Variants in DMAC1 observed in about 807,000 individuals in gnomAD.
DMAC1 encodes distal membrane arm assembly component 1.
In DMAC1, 10 loss-of-function variants were observed where a neutral mutation model predicts 7.0. The observed-to-expected ratio is 1.43, with a 90% CI of 0.88 to 2.43. DMAC1 has a LOEUF of 2.43. Ranked by LOEUF, DMAC1 falls within the 30% of genes most tolerant of loss-of-function variation. DMAC1 has a pLI of 0.00. For synonymous variants in DMAC1, 92 were observed against 66.2 expected, an observed-to-expected ratio of 1.39 and a Z score of -1.90; for missense variants, 219 against 158.7, an observed-to-expected ratio of 1.38 and a Z score of -2.04.
rs1469339959 is a variant in DMAC1, at chr9:7,797,294, T to G, written c.*1279A>C. The G allele has an allele frequency of 6.6e-6, 1 of 152,196 alleles. No homozygotes were observed. The highest frequency in any genetic ancestry group is 2.4e-5 in the African/African-American group (1 of 41,442). The allele number at this position is 152,196 out of a possible 1,614,324, so 9.4% of individuals were successfully genotyped here. ...TATAAATAATATCTTGTTGCGTACT[T>G]TAGGTTTGAAATGTTTTCTTTTTCA... On this transcript the variant is annotated 3_prime_UTR_variant, in exon 2 of 2. Coordinates refer to ENST00000358227, the MANE Select transcript of DMAC1 (RefSeq NM_033428.3).
Position 7,799,683 on chromosome 9 carries a change from C to G in DMAC1, c.52G>C (p.Gly18Arg), listed in dbSNP as rs1436502968. 6.2e-7 allele frequency: 1 copy of G among 1,600,140 alleles called. No homozygotes were observed. Among genetic ancestry groups the G allele is most frequent in the Non-Finnish European group, 8.5e-7 (1 of 1,175,974 alleles). ...GGTTTGGCGGGCGCGGCGGCGGTAC[C>G]GGGAGGCGCAGTGATATAGGACTCA... ...PFESYITAPP[G>R]TAAAPAKPAP... The change falls in exon 1 of 2, where the codon GGT (glycine) becomes CGT (arginine). Residue 18 changes from glycine to arginine, a missense_variant. Transcript: ENST00000358227.
chr9:7,799,542 C>G lies in DMAC1; in HGVS notation c.193G>C (p.Val65Leu), dbSNP rs746888998. The G allele has an allele frequency of 4.3e-6, 7 of 1,613,722 alleles. No individual in the cohort carries two copies. In the East Asian group the frequency reaches 1.1e-4, roughly 26 times the overall value. Residue 65 changes from valine (V) to leucine (L), a missense_variant, in exon 1 of 2, where the codon GTG becomes CTG. Val to Leu is a conservative substitution (Grantham distance 32, BLOSUM62 1). Coordinates refer to ENST00000358227, the MANE Select transcript of DMAC1 (RefSeq NM_033428.3). ...GLGLMGAGGY[V>L]YWVARKPMKM... ...ATGGGCTTCCGTGCCACCCAGTACA[C>G]GTACCCGCCCGCCCCCATCAGCCCC... is the stretch of plus-strand genomic sequence containing the variant.
In DMAC1 at chr9:7,797,554, A is replaced by G. The variant is rs371484390; in HGVS notation, c.*1019T>C. 2 of 152,250 alleles carry G rather than the reference A, an allele frequency of 1.3e-5. No individual in the cohort carries two copies. The highest frequency in any genetic ancestry group is 4.8e-5 in the African/African-American group (2 of 41,468). The allele number at this position is 152,250 out of a possible 1,614,324, so 9.4% of individuals were successfully genotyped here. A position where few individuals can be genotyped will look rare whatever the true frequency, so the allele number is the denominator to read the frequency against. ...TGAAAAACACTTTATATACCTTTAC[A>G]AAGAAGCCATAGTATCTCAGGGTAG... On this transcript the variant is annotated 3_prime_UTR_variant, in exon 2 of 2. Coordinates refer to ENST00000358227, the MANE Select transcript of DMAC1 (RefSeq NM_033428.3).
chr9:7,799,321 C>T lies in DMAC1; in HGVS notation c.274+140G>A, dbSNP rs1413297154. On this transcript the variant is annotated intron_variant, in intron 1 of 1. Coordinates refer to ENST00000358227, the MANE Select transcript of DMAC1 (RefSeq NM_033428.3). Reference sequence around the variant, plus strand: ...AAAGGCGTTCCAACAACTTCCTCTCCCACCTTGTTTGAGGTGCCCCCACCA... The same window carrying T: ...AAAGGCGTTCCAACAACTTCCTCTCTCACCTTGTTTGAGGTGCCCCCACCA... The T allele has an allele frequency of 2.3e-5, 27 of 1,157,390 alleles. No homozygotes were observed. The Admixed American group carries it at 4.2e-4, about 18-fold the overall frequency. 71.7% of individuals were successfully genotyped at this position (1,157,390 alleles called of 1,614,324 possible).
Position 7,797,326 on chromosome 9 carries a change from T to C in DMAC1, c.*1247A>G, listed in dbSNP as rs1415366541. On this transcript the variant is annotated 3_prime_UTR_variant, in exon 2 of 2. Transcript: ENST00000358227. ...TGAAATGTTTTCTTTTTCAGTTGCA[T>C]AGATATATGTAGCACCATCCCCGCT... is the stretch of plus-strand genomic sequence containing the variant. The C allele has an allele frequency of 6.6e-6, 1 of 152,230 alleles. No individual in the cohort carries two copies. Among genetic ancestry groups the C allele is most frequent in the Non-Finnish European group, 1.5e-5 (1 of 68,040 alleles). 9.4% of individuals were successfully genotyped at this position (152,230 alleles called of 1,614,324 possible).
Position 7,799,633 on chromosome 9 carries a change from C to A in DMAC1, c.102G>T (p.Ala34=), listed in dbSNP as rs1818701688. Residue 34 remains alanine (A), a synonymous_variant, in exon 1 of 2, where the codon GCG becomes GCT. Transcript: ENST00000358227. ...AKPAPPATPG[A]PTSPAEHRLL... is the part of the protein sequence containing the mutation. ...GGCGGTGTTCTGCTGGGGAGGTCGG[C>A]GCTCCGGGTGTAGCTGGGGGCGCAG... The A allele has an allele frequency of 1.2e-6, 2 of 1,612,754 alleles. No individual in the cohort carries two copies. Among genetic ancestry groups the A allele is most frequent in the African/African-American group, 2.7e-5 (2 of 74,884 alleles).
In DMAC1 at chr9:7,799,740, G is replaced by A. The variant is rs756076416; in HGVS notation, c.-6C>T. ...TGGGACAACCGAGACCCCATGCTCT[G>A]GAACTCGGCCTCAACCTTGGGCGTC... On this transcript the variant is annotated 5_prime_UTR_variant, in exon 1 of 2. Transcript: ENST00000358227. 3.3e-6 allele frequency: 5 copies of A among 1,517,060 alleles called. No homozygotes were observed. The highest frequency in any genetic ancestry group is 4.6e-5 in the East Asian group (2 of 43,826). 94.0% of individuals were successfully genotyped at this position (1,517,060 alleles called of 1,614,324 possible). A position where few individuals can be genotyped will look rare whatever the true frequency, so the allele number is the denominator to read the frequency against.
chr9:7,799,457 T>C lies in DMAC1; in HGVS notation c.274+4A>G. On this transcript the variant is annotated splice_donor_region_variant and intron_variant, in intron 1 of 1. Coordinates refer to ENST00000358227, the MANE Select transcript of DMAC1 (RefSeq NM_033428.3). Reference sequence around the variant, plus strand: ...CCGCCCAAGTGCTGTGCCTTGATTCTCACTGAGGCCGATGACCATCTGCGT... The same window carrying C: ...CCGCCCAAGTGCTGTGCCTTGATTCCCACTGAGGCCGATGACCATCTGCGT... 2 of 1,612,370 alleles carry C rather than the reference T, an allele frequency of 1.2e-6. No homozygotes were observed. Among genetic ancestry groups the C allele is most frequent in the Non-Finnish European group, 1.7e-6 (2 of 1,179,948 alleles).
Position 7,797,553 on chromosome 9 carries a change from C to A in DMAC1, c.*1020G>T, listed in dbSNP as rs368076885. Reference sequence around the variant, plus strand: ...TTGAAAAACACTTTATATACCTTTACAAAGAAGCCATAGTATCTCAGGGTA... The same window carrying A: ...TTGAAAAACACTTTATATACCTTTAAAAAGAAGCCATAGTATCTCAGGGTA... On this transcript the variant is annotated 3_prime_UTR_variant, in exon 2 of 2. Coordinates refer to ENST00000358227, the MANE Select transcript of DMAC1 (RefSeq NM_033428.3). 1.3e-5 allele frequency: 2 copies of A among 152,278 alleles called. No individual in the cohort carries two copies. Among genetic ancestry groups the A allele is most frequent in the African/African-American group, 4.8e-5 (2 of 41,548 alleles). The allele number at this position is 152,278 out of a possible 1,614,324, so 9.4% of individuals were successfully genotyped here.
In DMAC1 at chr9:7,799,591, C is replaced by G. The variant is rs1818699907; in HGVS notation, c.144G>C (p.Trp48Cys). The change falls in exon 1 of 2, where the codon TGG (tryptophan) becomes TGC (cysteine). Residue 48 changes from tryptophan to cysteine, a missense_variant. By Grantham distance (215) the Trp-to-Cys change is radical. Coordinates refer to ENST00000358227, the MANE Select transcript of DMAC1 (RefSeq NM_033428.3). ...PAEHRLLKTCWSCRVLSGLGL... is the reference protein window; with the variant it reads ...PAEHRLLKTCCSCRVLSGLGL... ...CCAACCCAGAAAGCACGCGACAGCT[C>G]CAGCAGGTCTTCAACAGGCGGTGTT... is the stretch of plus-strand genomic sequence containing the variant. 1.9e-6 allele frequency: 3 copies of G among 1,613,620 alleles called. No homozygotes were observed. The South Asian group carries it at 3.3e-5, about 18-fold the overall frequency.
intron 1 of DMAC1, 152 bp from the exon 2 acceptor site, chr9:7,798,789 G>GAAA: frequency 1.8e-6 from 1 of 566,318 alleles, no homozygotes; most frequent in African/African-American, 1.9e-5. Context: ...CACAGAAAAA[G>GAAA]AAAAAAAAAT....
Position 7,796,965 on chromosome 9 carries a change from C to T in DMAC1, c.*1608G>A, listed in dbSNP as rs538103645. 7 of 152,278 alleles carry T rather than the reference C, an allele frequency of 4.6e-5. No individual in the cohort carries two copies. The highest frequency in any genetic ancestry group is 1.7e-4 in the African/African-American group (7 of 41,554). 9.4% of individuals were successfully genotyped at this position (152,278 alleles called of 1,614,324 possible). On this transcript the variant is annotated 3_prime_UTR_variant, in exon 2 of 2. Coordinates refer to ENST00000358227, the MANE Select transcript of DMAC1 (RefSeq NM_033428.3). Reference sequence around the variant, plus strand: ...GATTCTCCACTGAGCAAATGTTCAGCGCTCTTAACTCCTGTGTTGTCCAAG... The same window carrying T: ...GATTCTCCACTGAGCAAATGTTCAGTGCTCTTAACTCCTGTGTTGTCCAAG...
Position 7,797,808 on chromosome 9 carries a change from C to G in DMAC1, c.*765G>C, listed in dbSNP as rs1215167671. 3 of 151,754 alleles carry G rather than the reference C, an allele frequency of 2.0e-5. No homozygotes were observed. Among genetic ancestry groups the G allele is most frequent in the African/African-American group, 7.3e-5 (3 of 41,290 alleles). The allele number at this position is 151,754 out of a possible 1,614,324, so 9.4% of individuals were successfully genotyped here. A position where few individuals can be genotyped will look rare whatever the true frequency, so the allele number is the denominator to read the frequency against. ...ACTGTTTCATAATGGTTATTCTTGC[C>G]TCCATGAAAGGGAAGACTAGAACAA... On this transcript the variant is annotated 3_prime_UTR_variant, in exon 2 of 2. Transcript: ENST00000358227.
rs752109972 is a variant in DMAC1, at chr9:7,799,421, A to G, written c.274+40T>C. On this transcript the variant is annotated intron_variant, in intron 1 of 1. Coordinates refer to ENST00000358227, the MANE Select transcript of DMAC1 (RefSeq NM_033428.3). Reference sequence around the variant, plus strand: ...GCTCCGTTTCCTTCCTCTACCCCGCAGATACCCAACCCGCCCAAGTGCTGT... The same window carrying G: ...GCTCCGTTTCCTTCCTCTACCCCGCGGATACCCAACCCGCCCAAGTGCTGT... 5 of 1,607,222 alleles carry G rather than the reference A, an allele frequency of 3.1e-6. No homozygotes were observed. The South Asian group carries it at 5.5e-5, about 18-fold the overall frequency.
At position 7,797,118 on chromosome 9, in the gene DMAC1, C is replaced by A. The variant is rs534894287; in HGVS notation, c.*1455G>T. 2.1e-4 allele frequency: 32 copies of A among 152,320 alleles called. No homozygotes were observed. The highest frequency in any genetic ancestry group is 7.7e-4 in the African/African-American group (32 of 41,578). 9.4% of individuals were successfully genotyped at this position (152,320 alleles called of 1,614,324 possible). On this transcript the variant is annotated 3_prime_UTR_variant, in exon 2 of 2. Coordinates refer to ENST00000358227, the MANE Select transcript of DMAC1 (RefSeq NM_033428.3). ...GGACTAAAGCAGTCCATCAATAGAA[C>A]AGACTGCCTTTTAAACCAGGGAACA...
intron 1 of DMAC1, 27 bp downstream of exon 1, chr9:7,799,434 G>A (rs1818691876): frequency 6.2e-7 from 1 of 1,609,452 alleles, no homozygotes; most frequent in South Asian, 1.1e-5. Flanking sequence ...TACCCAACCC[G>A]CCCAAGTGCT....
Position 7,798,600 on chromosome 9 carries a change from G to T in DMAC1, c.312C>A (p.Pro104=). Residue 104 remains proline, a synonymous_variant, in exon 2 of 2, where the codon CCC becomes CCA. Transcript: ENST00000358227. ...ATWGIVVMAD[P]KGKAYRVV is the part of the protein sequence containing the mutation. ...AAACAACGCGGTAGGCCTTCCCTTT[G>T]GGGTCTGCCATGACAACGATACCCC... 6.2e-7 allele frequency: 1 copy of T among 1,608,416 alleles called. No individual in the cohort carries two copies. The highest frequency in any genetic ancestry group is 8.5e-7 in the Non-Finnish European group (1 of 1,175,962).
rs1420183441 is a variant in DMAC1 at position 7,797,469 on chromosome 9, A to G, written c.*1104T>C. ...GCCGTAAAGGTACTACCTGCTCAACATGTCATTCCAAACAAATACACTATG... is the reference window on the plus strand; with the variant it reads ...GCCGTAAAGGTACTACCTGCTCAACGTGTCATTCCAAACAAATACACTATG... On this transcript the variant is annotated 3_prime_UTR_variant, in exon 2 of 2. Transcript: ENST00000358227. 2 of 152,236 alleles carry G rather than the reference A, an allele frequency of 1.3e-5. No individual in the cohort carries two copies. Among genetic ancestry groups the G allele is most frequent in the South Asian group, 2.1e-4 (1 of 4,832 alleles). The allele number at this position is 152,236 out of a possible 1,614,324, so 9.4% of individuals were successfully genotyped here. A position where few individuals can be genotyped will look rare whatever the true frequency, so the allele number is the denominator to read the frequency against.
chr9:7,799,083 T>C (rs1818683100), intron 1 of DMAC1, among the ~76,000 whole-genome samples: 1 of 151,928 alleles, frequency 6.6e-6, no homozygotes, highest in Non-Finnish European at 1.5e-5. Flanking sequence ...CTCCAGGACC[T>C]GGAGAAAAAG....
Sources: gnomAD v4.1 joint callset for allele counts (sites outside exome capture counted in the v4.1 genomes callset) on GRCh38, gnomAD v4.1.1 for gene constraint, MANE v1.5 for transcripts, NCBI Gene and HGNC (gene_info 2026-07-23, HGNC 2026-07-21) for gene names.